The following CRTAP variants were observed in gnomAD, a reference collection of about 807,000 sequenced individuals.
The protein encoded by CRTAP is cartilage associated protein, also known as cartilage-associated protein.
CRTAP carries 33 observed loss-of-function variants against 42.7 expected under a neutral mutation model. The observed-to-expected ratio is 0.77, with a 90% CI of 0.59 to 1.03. CRTAP has a LOEUF of 1.03. Ranked by LOEUF, CRTAP falls within the 50% of genes least tolerant of loss-of-function variation. CRTAP has a pLI of 0.00. For synonymous variants in CRTAP, 243 were observed against 217.7 expected (o/e 1.12, Z -1.02); for missense variants, 613 against 533.9 (o/e 1.15, Z -1.46).
Position 33,124,591 on chromosome 3 carries a change from G to T in CRTAP, c.793+12G>T, listed in dbSNP as rs773808673. The stretch of plus-strand genomic sequence containing the variant: ...CCTTTCCATAGCAGGTTGGTGGTAG[G>T]TCAATAGGCTCACTACTCCCATGGA... On this transcript the variant is annotated intron_variant, in intron 3 of 6. Coordinates refer to ENST00000320954, the MANE Select transcript of CRTAP (RefSeq NM_006371.5). The T allele has an allele frequency of 6.2e-7, 1 of 1,614,126 alleles. No individual in the cohort carries two copies. The highest frequency in any genetic ancestry group is 8.5e-7 in the Non-Finnish European group (1 of 1,179,978).
At chr3:33,117,151 G>C (rs1701351382) in intron 1 of CRTAP, among the ~76,000 whole-genome samples, 1 of 152,186 alleles carries the variant, frequency 6.6e-6, no homozygotes, top group African/African-American at 2.4e-5. Flanking sequence ...TTTATGGATA[G>C]AGAGGAAAAG....
chr3:33,125,491 G>GTT (rs60498778), intron 3 of CRTAP, among the ~76,000 whole-genome samples: 12,777 of 30,050 alleles, frequency 0.43, 4,122 homozygotes, highest in East Asian at 0.67. Context: ...TACAAAGTAG[G>GTT]TTTTTTTTTT....
Position 33,144,567 on chromosome 3 carries a change from G to C in CRTAP, c.*2119G>C, listed in dbSNP as rs927629764. The C allele has an allele frequency of 2.0e-5, 3 of 152,350 alleles. No homozygotes were observed. Among genetic ancestry groups the C allele is most frequent in the Admixed American group, 6.5e-5 (1 of 15,282 alleles). The allele number at this position is 152,350 out of a possible 1,614,324, so 9.4% of individuals were successfully genotyped here. On this transcript the variant is annotated 3_prime_UTR_variant, in exon 7 of 7. Coordinates refer to ENST00000320954, the MANE Select transcript of CRTAP (RefSeq NM_006371.5). ...GTTGAGGGCAAGTCTCTGGAAAAGA[G>C]GCTGTAGGCATCTGGCAGCTACCAT...
chr3:33,127,172 T>A (rs1308896119), intron 3 of CRTAP, among the ~76,000 whole-genome samples: 1 of 151,590 alleles, frequency 6.6e-6, no homozygotes, highest in East Asian at 1.9e-4. Context: ...TTGTCCTACA[T>A]GGTTCCCAGC....
intron 1 of CRTAP, among the ~76,000 whole-genome samples, chr3:33,118,847 G>C (rs951620590): frequency 6.6e-6 from 1 of 152,192 alleles, no homozygotes; most frequent in Non-Finnish European, 1.5e-5. Context: ...TAACATACCT[G>C]TTCTTCCTGA....
chr3:33,120,249 C>T, intron 1 of CRTAP, 95 bp from the exon 2 acceptor site: 1 of 1,154,998 alleles, frequency 8.7e-7, no homozygotes, highest in Non-Finnish European at 1.3e-6. Context: ...GTTATAGCAA[C>T]ACAAAGTTTC....
At chr3:33,141,518 C>A (rs2030572154) in intron 6 of CRTAP, among the ~76,000 whole-genome samples, 1 of 152,182 alleles carries the variant, frequency 6.6e-6, no homozygotes, top group South Asian at 2.1e-4. Context: ...TTATAAATTT[C>A]TCTGTGTTAA....
rs201865050 is a variant in CRTAP, at chr3:33,116,368, G to GT, written c.471+1828dup. On this transcript the variant is annotated intron_variant, in intron 1 of 6. Coordinates refer to ENST00000320954, the MANE Select transcript of CRTAP (RefSeq NM_006371.5). ...TATCTATCTATCTGTCTATCTATCT[G>GT]TTTTTTTTGAGACACAGTTTCACTT... Among the ~76,000 whole-genome samples the GT allele has an allele frequency of 8.2e-3, 1,238 of 151,896 alleles. 18 individuals are homozygous for GT. The highest frequency in any genetic ancestry group is 0.027 in the African/African-American group (1,138 of 41,420).
intron 1 of CRTAP, among the ~76,000 whole-genome samples, chr3:33,114,943 C>CT (rs778107514): frequency 6.6e-6 from 1 of 152,048 alleles, no homozygotes; most frequent in African/African-American, 2.4e-5. Context: ...CGACAAGTAC[C>CT]TTTTATTTTT....
At position 33,114,117 on chromosome 3, in the gene CRTAP, C is replaced by T. The variant is rs909805285; in HGVS notation, c.40C>T (p.Leu14=). The T allele has an allele frequency of 1.3e-6, 2 of 1,532,352 alleles. No homozygotes were observed. Among genetic ancestry groups the T allele is most frequent in the Non-Finnish European group, 1.7e-6 (2 of 1,150,564 alleles). 94.9% of individuals were successfully genotyped at this position (1,532,352 alleles called of 1,614,324 possible). The change falls in exon 1 of 7, where the codon CTG becomes TTG. Residue 14 remains leucine, a synonymous_variant. Transcript: ENST00000320954. ...CCGGGGGGCCGCGGCGCTGCTAGCG[C>T]TGCTGTGCGTGGCCTGCGCGCTGCG... is the stretch of plus-strand genomic sequence containing the variant. ...GRRGAAALLA[L]LCVACALRAG...
In CRTAP at chr3:33,142,556, C is replaced by A; in HGVS notation, c.*108C>A. On this transcript the variant is annotated 3_prime_UTR_variant, in exon 7 of 7. Transcript: ENST00000320954. ...TACCTCAGAGCCTTCTCTTTACTCT[C>A]CAAAGTGAAAGGGAAGCCCCCGTCT... 2 of 1,097,746 alleles carry A rather than the reference C, an allele frequency of 1.8e-6. No individual in the cohort carries two copies. The highest frequency in any genetic ancestry group is 1.8e-5 in the Admixed American group (1 of 54,068). 68.0% of individuals were successfully genotyped at this position (1,097,746 alleles called of 1,614,324 possible). A position where few individuals can be genotyped will look rare whatever the true frequency, so the allele number is the denominator to read the frequency against.
intron 1 of CRTAP, among the ~76,000 whole-genome samples, chr3:33,118,502 A>G (rs1477282099): frequency 6.6e-6 from 1 of 151,962 alleles, no homozygotes; most frequent in African/African-American, 2.4e-5. Flanking sequence ...ACCACCCACC[A>G]CTTCTCTGAT....
chr3:33,139,830 A>G (rs1315427570), intron 6 of CRTAP, among the ~76,000 whole-genome samples: 1 of 152,246 alleles, frequency 6.6e-6, no homozygotes, highest in East Asian at 1.9e-4. Context: ...CTTTTTCTGC[A>G]TCTATTGAGA....
chr3:33,127,552 ATCC>A (rs1324582987), intron 3 of CRTAP, among the ~76,000 whole-genome samples: 5 of 151,542 alleles, frequency 3.3e-5, no homozygotes, highest in African/African-American at 1.2e-4. Context: ...GGTTCAGGCA[ATCC>A]TCCTGCCTCA....
chr3:33,145,120 C>T lies in CRTAP; in HGVS notation c.*2672C>T, dbSNP rs2125608767. On this transcript the variant is annotated 3_prime_UTR_variant, in exon 7 of 7. Transcript: ENST00000320954. The surrounding 1 kb of genome is among the most constrained non-coding windows in gnomAD (Gnocchi z 4.3). ...TCCCTTATCCCCCAGAACACTCTAC[C>T]AACCTCGGGGAACTCGGGCACATCC... The T allele has an allele frequency of 6.6e-6, 1 of 152,476 alleles. No individual in the cohort carries two copies. The highest frequency in any genetic ancestry group is 2.1e-4 in the South Asian group (1 of 4,830). 9.4% of individuals were successfully genotyped at this position (152,476 alleles called of 1,614,324 possible).
chr3:33,117,197 G>GA (rs1701352204), intron 1 of CRTAP, among the ~76,000 whole-genome samples: 1 of 152,232 alleles, frequency 6.6e-6, no homozygotes, highest in African/African-American at 2.4e-5. Flanking sequence ...CCTGGCACCT[G>GA]AAGGCTGGAG....
At chr3:33,128,503 A>G (rs1412149333) in intron 3 of CRTAP, among the ~76,000 whole-genome samples, 1 of 152,206 alleles carries the variant, frequency 6.6e-6, no homozygotes, top group Non-Finnish European at 1.5e-5. Context: ...CTGGACCGCT[A>G]TATAAATGTC....
At chr3:33,136,848 C>T (rs139108467) in intron 6 of CRTAP, among the ~76,000 whole-genome samples, 2 of 152,130 alleles carry the variant, frequency 1.3e-5, no homozygotes, top group Non-Finnish European at 2.9e-5. Flanking sequence ...GGCCCCACTT[C>T]CAACACCGGA....
intron 4 of CRTAP, among the ~76,000 whole-genome samples, chr3:33,131,371 A>G (rs1242140779): frequency 6.6e-6 from 1 of 152,202 alleles, no homozygotes; most frequent in Non-Finnish European, 1.5e-5. Context: ...ATAAATATAA[A>G]AAGCCATAAG....
Sources: allele counts gnomAD v4.1 joint callset (sites outside exome capture counted in the v4.1 genomes callset), GRCh38; gene constraint gnomAD v4.1.1; non-coding constraint Gnocchi (gnomAD v3.1); transcripts MANE v1.5; gene names NCBI Gene and HGNC (gene_info 2026-07-23, HGNC 2026-07-21).